ZNF708: variants seen among roughly 807,000 people sequenced by gnomAD.
ZNF708 encodes ZNF15, ZNF15L1.
ZNF708 carries 44 observed loss-of-function variants against 47.0 expected under a neutral mutation model. The ratio of observed to expected loss-of-function variants is 0.94; its 90% CI spans 0.74 to 1.20. The LOEUF is 1.20. ZNF708 is among the 50% of genes most tolerant of loss of function. The probability of loss-of-function intolerance (pLI) is 0.00; values close to 1 mark genes in which losing one functional copy is unlikely to be tolerated. For synonymous variants in ZNF708, 184 were observed against 218.5 expected (o/e 0.84, Z 1.39); for missense variants, 557 against 656.0 (o/e 0.85, Z 1.65).
intron 3 of ZNF708, chr19:21,307,032 T>A (rs1972785215): frequency 9.4e-6 from 1 of 105,930 alleles, no homozygotes; most frequent in South Asian, 3.0e-4. Context: ...TAACATAACA[T>A]ACATAAAATA....
intron 1 of ZNF708, among the ~76,000 whole-genome samples, chr19:21,316,797 T>C (rs1599685844): frequency 1.3e-5 from 2 of 151,934 alleles, no homozygotes; most frequent in East Asian, 4.0e-4. Flanking sequence ...TCTTTTTTTT[T>C]TTTTTTGAAA....
intron 1 of ZNF708, among the ~76,000 whole-genome samples, chr19:21,320,944 A>C (rs1016099210): frequency 6.6e-6 from 1 of 151,838 alleles, no homozygotes; most frequent in Non-Finnish European, 1.5e-5. Flanking sequence ...GATCGAGACC[A>C]TCCCAGCTAA....
intron 3 of ZNF708, among the ~76,000 whole-genome samples, chr19:21,302,626 G>A (rs1226841238): frequency 1.3e-5 from 2 of 152,106 alleles, no homozygotes; most frequent in African/African-American, 4.8e-5. Flanking sequence ...TTGAACCTGG[G>A]AGGTGGAGGT....
intron 1 of ZNF708, among the ~76,000 whole-genome samples, chr19:21,311,004 G>C (rs1171243380): frequency 6.6e-6 from 1 of 152,166 alleles, no homozygotes; most frequent in Non-Finnish European, 1.5e-5. Context: ...ATTTTAGTCT[G>C]TAAAATAAAC....
At chr19:21,299,536 A>T (rs1972611352) in intron 3 of ZNF708, among the ~76,000 whole-genome samples, 1 of 151,916 alleles carries the variant, frequency 6.6e-6, no homozygotes, top group Non-Finnish European at 1.5e-5. Context: ...GGGTCACTTG[A>T]AATCAGGAGT....
chr19:21,309,564 T>G (rs1215771648), intron 2 of ZNF708, among the ~76,000 whole-genome samples: 2 of 151,952 alleles, frequency 1.3e-5, no homozygotes, highest in Admixed American at 6.6e-5. Context: ...AGAAATTAGC[T>G]GGATATGGTG....
At chr19:21,320,272 A>C (rs530731934) in intron 1 of ZNF708, among the ~76,000 whole-genome samples, 5 of 152,342 alleles carry the variant, frequency 3.3e-5, no homozygotes, top group African/African-American at 1.2e-4. Context: ...TACCCAAAGA[A>C]ATATAAATTA....
chr19:21,320,821 A>G (rs1973115419), intron 1 of ZNF708, among the ~76,000 whole-genome samples: 1 of 151,354 alleles, frequency 6.6e-6, no homozygotes, highest in South Asian at 2.1e-4. Context: ...CAACATGGAT[A>G]GAGCTGGAGA....
In ZNF708 at chr19:21,329,218, G is replaced by A; in HGVS notation, c.-6C>T. The A allele has an allele frequency of 6.2e-7, 1 of 1,611,920 alleles. No homozygotes were observed. The highest frequency in any genetic ancestry group is 8.5e-7 in the Non-Finnish European group (1 of 1,178,428). ...TCGGACGGCACTCTCACCATTTCTA[G>A]GCTTCCAGAGGGTCCTGGAGTCTTA... On this transcript the variant is annotated 5_prime_UTR_variant, in exon 1 of 4. Transcript: ENST00000356929.
chr19:21,297,270 A>ATTT lies in ZNF708; in HGVS notation c.227-2534_227-2532dup, dbSNP rs1157234305. 1.9e-4 allele frequency among the ~76,000 whole-genome samples: 9 copies of ATTT among 46,674 alleles called. 1 individual carries two copies. The East Asian group carries it at 3.3e-3, about 17-fold the overall frequency. The allele number at this position is 46,674 out of a possible 152,430, so 30.6% of individuals were successfully genotyped here. ...TATATATATATATATATATATATATATTTTTTTTTTTTTTTTTTTTTTTTT... is the reference window on the plus strand; with the variant it reads ...TATATATATATATATATATATATATATTTTTTTTTTTTTTTTTTTTTTTTTTTT... On this transcript the variant is annotated intron_variant, in intron 3 of 3. Coordinates refer to ENST00000356929, the MANE Select transcript of ZNF708 (RefSeq NM_021269.3).
At chr19:21,307,687 T>C (rs1350998634) in intron 3 of ZNF708, among the ~76,000 whole-genome samples, 1 of 152,182 alleles carries the variant, frequency 6.6e-6, no homozygotes, top group Non-Finnish European at 1.5e-5. Context: ...TGAAGAGGCA[T>C]TTGCATTTTC....
At chr19:21,307,868 A>T (rs976437970) in intron 3 of ZNF708, among the ~76,000 whole-genome samples, 1 of 152,200 alleles carries the variant, frequency 6.6e-6, no homozygotes, top group South Asian at 2.1e-4. Flanking sequence ...ACATATAAAA[A>T]TACATAAACA....
At chr19:21,323,774 GA>G (rs1973199688) in intron 1 of ZNF708, among the ~76,000 whole-genome samples, 1 of 152,154 alleles carries the variant, frequency 6.6e-6, no homozygotes, top group Non-Finnish European at 1.5e-5. Context: ...CCAGGATAAA[GA>G]CTTCTATGGC....
rs1387064499 is a variant in ZNF708, at chr19:21,316,131, TTC to T, written c.4-5506_4-5505del. 2.7e-3 allele frequency among the ~76,000 whole-genome samples: 187 copies of T among 68,102 alleles called. 1 individual carries two copies. The highest frequency in any genetic ancestry group is 4.5e-3 in the Non-Finnish European group (155 of 34,662). 44.7% of individuals were successfully genotyped at this position (68,102 alleles called of 152,430 possible). On this transcript the variant is annotated intron_variant, in intron 1 of 3. Coordinates refer to ENST00000356929, the MANE Select transcript of ZNF708 (RefSeq NM_021269.3). ...CTTTTCTTTTCTTTTCTTTTCTTTT[TTC>T]TTTTTTTTTTTTTTTTTGAGACAGG...
intron 3 of ZNF708, among the ~76,000 whole-genome samples, chr19:21,307,978 AAAGG>A (rs1466736620): frequency 2.0e-5 from 3 of 152,116 alleles, no homozygotes; most frequent in Non-Finnish European, 4.4e-5. Flanking sequence ...CTAATAAAAT[AAAGG>A]AAGAAAGCAA....
intron 3 of ZNF708, among the ~76,000 whole-genome samples, chr19:21,306,169 T>C (rs951966809): frequency 6.6e-6 from 1 of 152,174 alleles, no homozygotes; most frequent in African/African-American, 2.4e-5. Flanking sequence ...TGGCACTATT[T>C]TTTTAGATAT....
intron 1 of ZNF708, among the ~76,000 whole-genome samples, chr19:21,327,633 A>G (rs372132499): frequency 2.0e-3 from 306 of 152,018 alleles, no homozygotes; most frequent in South Asian, 0.013. Context: ...CCCTCTCAGG[A>G]GACATTACAC....
intron 3 of ZNF708, among the ~76,000 whole-genome samples, chr19:21,302,617 T>A (rs1249770928): frequency 1.3e-5 from 2 of 152,062 alleles, no homozygotes; most frequent in Non-Finnish European, 2.9e-5. Context: ...GAGAATTGCT[T>A]GAACCTGGGA....
chr19:21,298,562 G>T (rs1414559449), intron 3 of ZNF708, among the ~76,000 whole-genome samples: 2 of 152,080 alleles, frequency 1.3e-5, no homozygotes, highest in African/African-American at 4.8e-5. Context: ...AAAGTATATG[G>T]AATCTCAAGA....
Sources: gnomAD v4.1 joint callset for allele counts (sites outside exome capture counted in the v4.1 genomes callset) on GRCh38, gnomAD v4.1.1 for gene constraint, MANE v1.5 for transcripts, NCBI Gene and HGNC (gene_info 2026-07-23, HGNC 2026-07-21) for gene names.